Variants in KIAA1217 observed in about 807,000 individuals in gnomAD.
The protein encoded by KIAA1217 is sickle tail protein homolog.
Under a neutral mutation model 163.9 loss-of-function variants are expected in KIAA1217, and 88 were observed. The observed-to-expected ratio is 0.54, with a 90% CI of 0.45 to 0.64. The LOEUF is 0.64. KIAA1217 is among the 30% of genes least tolerant of loss of function. KIAA1217 has a pLI of 0.00. For synonymous variants in KIAA1217, 903 were observed against 923.1 expected, an observed-to-expected ratio of 0.98 and a Z score of 0.39; for missense variants, 2,372 against 2,475.0, an observed-to-expected ratio of 0.96 and a Z score of 0.88.
In KIAA1217 at chr10:24,546,240, C is replaced by A. The variant is rs749971001; in HGVS notation, c.5748C>A (p.Ile1916=). ...LNQGAKGTRT[I]HTPSLTSYKA... is the part of the protein sequence containing the mutation. ...AAGGTGCCAAGGGCACCAGGACCAT[C>A]CATACTCCCAGCCTCACCAGCTACA... Residue 1916 remains isoleucine, a synonymous_variant, in exon 21 of 21, where the codon ATC becomes ATA. Coordinates refer to ENST00000376454, the MANE Select transcript of KIAA1217 (RefSeq NM_019590.5). 6.2e-7 allele frequency: 1 copy of A among 1,614,104 alleles called. No individual in the cohort carries two copies. The highest frequency in any genetic ancestry group is 1.7e-5 in the Admixed American group (1 of 60,010).
chr10:24,278,998 A>G (rs1347263404), intron 2 of KIAA1217, among the ~76,000 whole-genome samples: 1 of 151,910 alleles, frequency 6.6e-6, no homozygotes, highest in Non-Finnish European at 1.5e-5. Flanking sequence ...CTGGGATTAC[A>G]GTCACGGGCC....
intron 2 of KIAA1217, chr10:24,158,160 G>T (rs541665759): frequency 1.3e-6 from 1 of 749,744 alleles, no homozygotes; most frequent in African/African-American, 1.7e-5. Flanking sequence ...TTAACTTCAA[G>T]AAGACAGCCA....
At chr10:23,944,779 C>G (rs148051173) in intron 1 of KIAA1217, among the ~76,000 whole-genome samples, 4 of 152,108 alleles carry the variant, frequency 2.6e-5, no homozygotes, top group African/African-American at 9.7e-5. Flanking sequence ...GTTAAACAAG[C>G]TGGGTGCAGT....
intron 5 of KIAA1217, among the ~76,000 whole-genome samples, chr10:24,461,201 A>G (rs151063846): frequency 6.6e-6 from 1 of 152,222 alleles, no homozygotes; most frequent in East Asian, 1.9e-4. Context: ...GGTATATCAT[A>G]TCATCAAACT....
intron 2 of KIAA1217, among the ~76,000 whole-genome samples, chr10:24,275,221 A>G (rs1044444711): frequency 5.3e-5 from 8 of 152,186 alleles, no homozygotes; most frequent in Non-Finnish European, 8.8e-5. Flanking sequence ...TCACAAAGCA[A>G]TTCTCTTGCC....
At chr10:24,465,675 C>T (rs531462128) in intron 5 of KIAA1217, among the ~76,000 whole-genome samples, 1 of 152,316 alleles carries the variant, frequency 6.6e-6, no homozygotes, top group African/African-American at 2.4e-5. Context: ...CCTTTCTCCC[C>T]CACCTTTTGC....
chr10:23,861,927 T>G (rs1028484546), intron 1 of KIAA1217, among the ~76,000 whole-genome samples: 2 of 152,216 alleles, frequency 1.3e-5, no homozygotes, highest in Non-Finnish European at 2.9e-5. Flanking sequence ...GATAACAAAT[T>G]GTGTTTTTTA....
chr10:23,841,259 AAAAGCT>A (rs1163503997), intron 1 of KIAA1217, among the ~76,000 whole-genome samples: 1 of 152,190 alleles, frequency 6.6e-6, no homozygotes. Flanking sequence ...CCTGCGATGT[AAAAGCT>A]GGAGGGAAGA....
chr10:24,205,502 G>A (rs1198416229), upstream of KIAA1217, among the ~76,000 whole-genome samples: 2 of 151,238 alleles, frequency 1.3e-5, no homozygotes, highest in Admixed American at 1.3e-4. Flanking sequence ...TGCCGGGCGC[G>A]GTGGCTCATG....
In KIAA1217 at chr10:23,821,859, G is replaced by A. The variant is rs983424030; in HGVS notation, c.-321+126625G>A. Among the ~76,000 whole-genome samples the A allele has an allele frequency of 1.8e-4, 27 of 152,202 alleles. 1 individual carries two copies. In the East Asian group the frequency reaches 4.3e-3, roughly 24 times the overall value. ...TTAGGAAGGGGCCTCCAGCTCTTTC[G>A]GCCATCAGGATCACTGCTGAGATGC... On this transcript the variant is annotated intron_variant, in intron 1 of 18. Coordinates refer to the KIAA1217 transcript ENST00000376462.
intron 3 of KIAA1217, among the ~76,000 whole-genome samples, chr10:24,384,674 C>T (rs979952500): frequency 6.6e-6 from 1 of 151,546 alleles, no homozygotes; most frequent in Admixed American, 6.6e-5. Flanking sequence ...GTAGCTGGGA[C>T]GCAGGTGCCT....
At position 23,780,198 on chromosome 10, in the gene KIAA1217, A is replaced by G. The variant is rs556130398; in HGVS notation, c.-321+84964A>G. Among the ~76,000 whole-genome samples the G allele has an allele frequency of 7.9e-5, 12 of 152,334 alleles. No homozygotes were observed. The South Asian group carries it at 1.5e-3, about 18-fold the overall frequency. On this transcript the variant is annotated intron_variant, in intron 1 of 18. Coordinates refer to the KIAA1217 transcript ENST00000376462. Reference sequence around the variant, plus strand: ...CAACATGATGTTTTGATATACTTGTACATAGTGAAATGGTGAGTACAGTTG... The same window carrying G: ...CAACATGATGTTTTGATATACTTGTGCATAGTGAAATGGTGAGTACAGTTG...
At chr10:24,391,964 A>G (rs1285993255) in intron 3 of KIAA1217, among the ~76,000 whole-genome samples, 1 of 152,236 alleles carries the variant, frequency 6.6e-6, no homozygotes, top group East Asian at 1.9e-4. Flanking sequence ...TTTCAAAGAC[A>G]ACACAGAAGA....
At chr10:24,312,566 C>T (rs1208480975) in intron 2 of KIAA1217, among the ~76,000 whole-genome samples, 2 of 152,124 alleles carry the variant, frequency 1.3e-5, no homozygotes, top group African/African-American at 2.4e-5. Context: ...TTGCAGTGAG[C>T]CAGGATTGTG....
chr10:23,990,356 T>C (rs1846166109), intron 1 of KIAA1217, among the ~76,000 whole-genome samples: 1 of 152,216 alleles, frequency 6.6e-6, no homozygotes, highest in African/African-American at 2.4e-5. Flanking sequence ...ATCTTTCCCT[T>C]TTCTACTTCT....
intron 2 of KIAA1217, among the ~76,000 whole-genome samples, chr10:24,246,278 A>G (rs374783409): frequency 1.3e-5 from 2 of 152,192 alleles, no homozygotes; most frequent in Non-Finnish European, 2.9e-5. Flanking sequence ...TGGCCCCATC[A>G]TAGATAAACT....
intron 1 of KIAA1217, among the ~76,000 whole-genome samples, chr10:23,878,212 G>A (rs540613751): frequency 7.9e-5 from 12 of 151,962 alleles, no homozygotes; most frequent in East Asian, 5.8e-4. Flanking sequence ...TGCTTCTCAC[G>A]TAGAGCACAT....
chr10:24,528,290 C>T (rs190749031), intron 14 of KIAA1217, among the ~76,000 whole-genome samples, 171 bp downstream of exon 14: 34 of 151,108 alleles, frequency 2.3e-4, no homozygotes, highest in African/African-American at 7.8e-4. Flanking sequence ...TAGATCTTTA[C>T]TACTATCTCT....
chr10:24,307,515 C>T (rs1025137169), intron 2 of KIAA1217, among the ~76,000 whole-genome samples: 4 of 151,516 alleles, frequency 2.6e-5, no homozygotes, highest in African/African-American at 9.7e-5. Context: ...GTAGCTCATG[C>T]TTATAATCCC....
Sources: gnomAD v4.1 joint callset for allele counts (sites outside exome capture counted in the v4.1 genomes callset) on GRCh38, gnomAD v4.1.1 for gene constraint, MANE v1.5 for transcripts, NCBI Gene and HGNC (gene_info 2026-07-23, HGNC 2026-07-21) for gene names.